RCOR1: variants seen among roughly 807,000 people sequenced by gnomAD.
RCOR1 encodes the protein REST corepressor 1, also known as REST corepressor.
In RCOR1, 12 loss-of-function variants were observed where a neutral mutation model predicts 64.0. The observed-to-expected ratio is 0.19, with a 90% confidence interval of 0.12 to 0.30. The LOEUF is 0.30. Among genes scored for constraint, RCOR1 ranks in the 10% least tolerant of loss-of-function variants. RCOR1 has a pLI of 1.00. For synonymous variants in RCOR1, 279 were observed against 227.2 expected (o/e 1.23, Z -2.05); for missense variants, 502 against 621.2 (o/e 0.81, Z 2.04).
At chr14:102,654,444 G>A (rs1894680357) in intron 2 of RCOR1, among the ~76,000 whole-genome samples, 1 of 152,194 alleles carries the variant, frequency 6.6e-6, no homozygotes, top group Admixed American at 6.5e-5. Flanking sequence ...TTTGAGTAAT[G>A]CCGCATAATG....
chr14:102,643,716 T>G (rs554233326), intron 2 of RCOR1, among the ~76,000 whole-genome samples: 78 of 152,304 alleles, frequency 5.1e-4, no homozygotes, highest in African/African-American at 1.8e-3. Context: ...AAGTTTACTT[T>G]TGGTAGAGTT....
intron 2 of RCOR1, among the ~76,000 whole-genome samples, chr14:102,598,394 A>G (rs1237261277): frequency 6.6e-6 from 1 of 152,136 alleles, no homozygotes; most frequent in Non-Finnish European, 1.5e-5. Flanking sequence ...CATGCCTTAC[A>G]AAGAGTGAAT....
intron 2 of RCOR1, among the ~76,000 whole-genome samples, chr14:102,601,959 G>C: frequency 6.6e-6 from 1 of 152,132 alleles, no homozygotes; most frequent in Admixed American, 6.6e-5. Context: ...AGGAGTTCGA[G>C]ACCAGCCTGG....
chr14:102,593,083 A>G lies in RCOR1; in HGVS notation c.197A>G (p.Asn66Ser), dbSNP rs772732625. Reference protein sequence around the residue: ...AAAASAAAAPNNGQNKSLAAA... With the variant: ...AAAASAAAAPSNGQNKSLAAA... ...GCCGCCTCAGCCGCCGCCGCCCCCA[A>G]TAATGGCCAGAATAAAAGTTTGGCG... Residue 66 changes from asparagine to serine, a missense_variant, in exon 1 of 12, where the codon AAT (asparagine) becomes AGT (serine). Coordinates refer to ENST00000262241, the MANE Select transcript of RCOR1 (RefSeq NM_015156.4). The G allele has an allele frequency of 1.4e-5, 20 of 1,460,374 alleles. No homozygotes were observed. The highest frequency in any genetic ancestry group is 1.0e-4 in the African/African-American group (7 of 67,226). 90.5% of individuals were successfully genotyped at this position (1,460,374 alleles called of 1,614,324 possible). A position where few individuals can be genotyped will look rare whatever the true frequency, so the allele number is the denominator to read the frequency against.
chr14:102,661,828 C>T (rs1894829429), intron 2 of RCOR1, among the ~76,000 whole-genome samples: 1 of 152,220 alleles, frequency 6.6e-6, no homozygotes, highest in South Asian at 2.1e-4. Flanking sequence ...ACGATCATGG[C>T]TCACTGCAGC....
intron 2 of RCOR1, among the ~76,000 whole-genome samples, chr14:102,600,657 G>T (rs925438347): frequency 6.7e-6 from 1 of 148,152 alleles, no homozygotes; most frequent in Non-Finnish European, 1.5e-5. Flanking sequence ...TGCAAGTTCC[G>T]CCTCCTGGGT....
chr14:102,622,178 TTCTTAC>T (rs1893888473), intron 2 of RCOR1, among the ~76,000 whole-genome samples: 1 of 88,562 alleles, frequency 1.1e-5, no homozygotes, highest in Non-Finnish European at 2.9e-5. Context: ...TAACCTCTCT[TTCTTAC>T]TCTTAAGAAT....
intron 2 of RCOR1, among the ~76,000 whole-genome samples, chr14:102,596,519 T>G (rs1017829427): frequency 1.3e-4 from 20 of 152,154 alleles, no homozygotes; most frequent in African/African-American, 2.4e-5. Context: ...GAATTGAGAG[T>G]TTGATCCTTA....
intron 2 of RCOR1, among the ~76,000 whole-genome samples, chr14:102,677,347 C>T (rs1303729439): frequency 1.4e-4 from 20 of 140,858 alleles, no homozygotes; most frequent in Admixed American, 1.2e-3. Flanking sequence ...TGACCCCCCC[C>T]CCACCTCCCT....
intron 4 of RCOR1, among the ~76,000 whole-genome samples, chr14:102,703,109 G>A (rs1451336551): frequency 5.3e-5 from 8 of 152,206 alleles, no homozygotes; most frequent in Admixed American, 3.3e-4. Flanking sequence ...CTCAAAGGCA[G>A]ATTGGAAGAG....
intron 2 of RCOR1, among the ~76,000 whole-genome samples, chr14:102,637,962 G>A (rs1894280936): frequency 6.6e-6 from 1 of 152,120 alleles, no homozygotes; most frequent in Admixed American, 6.5e-5. Context: ...CTTCTCCAGT[G>A]TTTGATTATC....
At chr14:102,701,471 C>T in intron 4 of RCOR1, 141 bp downstream of exon 4, 1 of 563,230 alleles carries the variant, frequency 1.8e-6, no homozygotes, top group Non-Finnish European at 3.0e-6. Flanking sequence ...GTTACACAAA[C>T]TCTGGTCTTC....
rs999271685 is a variant in RCOR1 at position 102,592,768 on chromosome 14, T to A, written c.-119T>A. On this transcript the variant is annotated 5_prime_UTR_variant, in exon 1 of 12. Transcript: ENST00000262241. ...CTCCCCCGACTCGGACTCGCGCCCG[T>A]GGGCTCCCGCCGCGCCCGCCCGGCC... 2 of 1,203,340 alleles carry A rather than the reference T, an allele frequency of 1.7e-6. No homozygotes were observed. Among genetic ancestry groups the A allele is most frequent in the Non-Finnish European group, 1.0e-6 (1 of 970,482 alleles). 74.5% of individuals were successfully genotyped at this position (1,203,340 alleles called of 1,614,324 possible). A position where few individuals can be genotyped will look rare whatever the true frequency, so the allele number is the denominator to read the frequency against.
chr14:102,610,275 A>G (rs894462921), intron 2 of RCOR1, among the ~76,000 whole-genome samples: 2 of 152,176 alleles, frequency 1.3e-5, no homozygotes, highest in African/African-American at 4.8e-5. Context: ...TTAAAATTTT[A>G]GTTTAGATTT....
intron 2 of RCOR1, among the ~76,000 whole-genome samples, chr14:102,671,374 A>G (rs182938441): frequency 1.3e-5 from 2 of 151,782 alleles, no homozygotes; most frequent in African/African-American, 4.8e-5. Flanking sequence ...TTCTCCTTCC[A>G]GTTAGTTTCT....
chr14:102,613,085 C>T lies in RCOR1; in HGVS notation c.361+19760C>T, dbSNP rs552691331. Among the ~76,000 whole-genome samples, 17 of 151,314 alleles carry T rather than the reference C, an allele frequency of 1.1e-4. No homozygotes were observed. In the South Asian group the frequency reaches 1.9e-3, roughly 17 times the overall value. ...GTTTGTTTTGTTTTTTGAGATGGTG[C>T]GAGTCTCGCTTTTTTTGTTTTGTTT... On this transcript the variant is annotated intron_variant, in intron 2 of 11. Coordinates refer to ENST00000262241, the MANE Select transcript of RCOR1 (RefSeq NM_015156.4).
At chr14:102,634,646 ATATATG>A (rs1233645605) in intron 2 of RCOR1, among the ~76,000 whole-genome samples, 1 of 143,154 alleles carries the variant, frequency 7.0e-6, no homozygotes, top group Non-Finnish European at 1.5e-5. Context: ...GTATATATAT[ATATATG>A]TATATATATA....
intron 2 of RCOR1, chr14:102,655,522 A>G (rs1894705014): frequency 2.1e-6 from 2 of 969,624 alleles, no homozygotes; most frequent in African/African-American, 3.5e-5. Context: ...TTAGGTATCT[A>G]TTAATAGTTC....
chr14:102,622,544 C>T (rs930563598), intron 2 of RCOR1, among the ~76,000 whole-genome samples: 1 of 152,158 alleles, frequency 6.6e-6, no homozygotes, highest in South Asian at 2.1e-4. Flanking sequence ...CTGTTTTTCA[C>T]CTTGATCTTC....
Sources: gnomAD v4.1 joint callset for allele counts (sites outside exome capture counted in the v4.1 genomes callset) on GRCh38, gnomAD v4.1.1 for gene constraint, MANE v1.5 for transcripts, NCBI Gene and HGNC (gene_info 2026-07-23, HGNC 2026-07-21) for gene names.